Variants in CLSTN2 observed in about 807,000 individuals in gnomAD.
CLSTN2 encodes calsyntenin 2, also known as calsyntenin-2.
A neutral mutation model predicts 101.2 loss-of-function variants in CLSTN2; 48 were observed. That is an observed-to-expected ratio of 0.47 (90% CI 0.38 to 0.60). The LOEUF (loss-of-function observed/expected upper bound fraction) is 0.60, where lower values mean the gene tolerates loss of function less well. Ranked by LOEUF, CLSTN2 falls within the 20% of genes least tolerant of loss-of-function variation. CLSTN2 has a pLI of 0.00. For missense variants in CLSTN2, 1,160 were observed against 1,238.2 expected, an observed-to-expected ratio of 0.94 and a Z score of 0.95; for synonymous variants, 481 against 463.6, an observed-to-expected ratio of 1.04 and a Z score of -0.48.
At chr3:140,511,093 C>T (rs957819299) in intron 8 of CLSTN2, among the ~76,000 whole-genome samples, 1 of 152,182 alleles carries the variant, frequency 6.6e-6, no homozygotes, top group Non-Finnish European at 1.5e-5. Flanking sequence ...TCAGCTCCCA[C>T]TTATAAGTGA....
In CLSTN2 at chr3:140,445,983, G is replaced by T. The variant is rs17348041; in HGVS notation, c.788-2536G>T. Among the ~76,000 whole-genome samples the T allele has an allele frequency of 1.4e-3, 206 of 150,072 alleles. 1 individual carries two copies. The highest frequency in any genetic ancestry group is 2.6e-3 in the Non-Finnish European group (179 of 67,904). On this transcript the variant is annotated intron_variant, in intron 5 of 16. Transcript: ENST00000458420. ...CATCTACCTAGACTGGAGAAATCCC[G>T]GAAGGACACATGGAGGAGGTGGCAA...
At chr3:140,438,612 G>T (rs1385004516) in intron 5 of CLSTN2, among the ~76,000 whole-genome samples, 1 of 151,926 alleles carries the variant, frequency 6.6e-6, no homozygotes. Context: ...TGTAAGTAAA[G>T]ATTCTTAAAG....
At chr3:140,470,991 A>AGGCTCTGGCCTCTG (rs1231207360) in intron 8 of CLSTN2, among the ~76,000 whole-genome samples, 1 of 152,190 alleles carries the variant, frequency 6.6e-6, no homozygotes, top group African/African-American at 2.4e-5. Context: ...CCCGCACCGC[A>AGGCTCTGGCCTCTG]GCAGGCTCTG....
intron 2 of CLSTN2, among the ~76,000 whole-genome samples, chr3:140,260,376 G>A (rs1266637604): frequency 1.3e-5 from 2 of 151,756 alleles, no homozygotes; most frequent in Non-Finnish European, 2.9e-5. Flanking sequence ...TTATGAGGTT[G>A]AGGAATCTTT....
chr3:140,414,032 C>T (rs2088398468), intron 4 of CLSTN2, among the ~76,000 whole-genome samples: 1 of 151,978 alleles, frequency 6.6e-6, no homozygotes, highest in South Asian at 2.1e-4. Context: ...CAACATAGTA[C>T]TGAAAGTTCT....
chr3:140,100,630 C>A (rs553722321), intron 1 of CLSTN2, among the ~76,000 whole-genome samples: 22 of 152,226 alleles, frequency 1.4e-4, no homozygotes, highest in Non-Finnish European at 2.8e-4. Flanking sequence ...ACTGATTACC[C>A]AGCCTCCCAC....
At chr3:140,384,142 A>G (rs4683491) in intron 2 of CLSTN2, among the ~76,000 whole-genome samples, 55,895 of 152,062 alleles carry the variant, frequency 0.37, 10,543 homozygotes, top group African/African-American at 0.45. Flanking sequence ...AAAGAAAATG[A>G]AAGTTGTTGT....
chr3:140,496,008 A>G (rs1934457895), intron 8 of CLSTN2, among the ~76,000 whole-genome samples: 1 of 152,164 alleles, frequency 6.6e-6, no homozygotes, highest in South Asian at 2.1e-4. Flanking sequence ...AAGAATGTCA[A>G]TAGTAGTTTC....
intron 8 of CLSTN2, among the ~76,000 whole-genome samples, chr3:140,501,341 G>A (rs1214051347): frequency 3.3e-5 from 5 of 152,186 alleles, no homozygotes; most frequent in African/African-American, 9.7e-5. Flanking sequence ...CACCACACAA[G>A]GATAACTTCC....
intron 13 of CLSTN2, 43 bp from the exon 14 acceptor site, chr3:140,562,768 T>C (rs534086469): frequency 5.6e-6 from 9 of 1,606,010 alleles, no homozygotes; most frequent in South Asian, 3.3e-5. Context: ...CTCTTCCTCC[T>C]CCTTTTCTGC....
At chr3:140,439,580 C>T (rs2088736371) in intron 5 of CLSTN2, among the ~76,000 whole-genome samples, 1 of 152,202 alleles carries the variant, frequency 6.6e-6, no homozygotes, top group South Asian at 2.1e-4. Flanking sequence ...TTGAGAATGT[C>T]TAGGGACTAA....
At chr3:140,006,128 G>A (rs2006948472) in intron 1 of CLSTN2, among the ~76,000 whole-genome samples, 1 of 152,188 alleles carries the variant, frequency 6.6e-6, no homozygotes, top group Admixed American at 6.5e-5. Flanking sequence ...TTGAGGTTTT[G>A]TGGTTTCTCA....
At chr3:140,003,947 C>A (rs2006904310) in intron 1 of CLSTN2, among the ~76,000 whole-genome samples, 1 of 152,120 alleles carries the variant, frequency 6.6e-6, no homozygotes. Flanking sequence ...GATTATTGAT[C>A]AAATTTTCTC....
At chr3:140,271,562 G>T (rs1324540009) in intron 2 of CLSTN2, among the ~76,000 whole-genome samples, 3 of 152,114 alleles carry the variant, frequency 2.0e-5, no homozygotes. Context: ...ATTCTCATGT[G>T]GTGGAAGAAG....
intron 2 of CLSTN2, among the ~76,000 whole-genome samples, chr3:140,252,716 G>C (rs940792555): frequency 2.0e-5 from 3 of 152,200 alleles, no homozygotes; most frequent in African/African-American, 4.8e-5. Flanking sequence ...GGAAAAAGGA[G>C]CACAACCCTG....
intron 1 of CLSTN2, among the ~76,000 whole-genome samples, chr3:140,002,531 G>A (rs1443908853): frequency 6.6e-6 from 1 of 151,918 alleles, no homozygotes; most frequent in Non-Finnish European, 1.5e-5. Context: ...TTTGTTTATT[G>A]TTTCCTTTGC....
chr3:140,113,565 T>C (rs1479007877), intron 1 of CLSTN2, among the ~76,000 whole-genome samples: 1 of 152,226 alleles, frequency 6.6e-6, no homozygotes, highest in African/African-American at 2.4e-5. Flanking sequence ...CAACACCATT[T>C]ACAACAGTGA....
intron 1 of CLSTN2, among the ~76,000 whole-genome samples, chr3:140,172,791 G>A (rs1370236769): frequency 6.6e-6 from 1 of 152,112 alleles, no homozygotes; most frequent in Non-Finnish European, 1.5e-5. Flanking sequence ...AAAAACCCCT[G>A]ATAAAACCAT....
chr3:140,135,647 T>C (rs2009605486), intron 1 of CLSTN2, among the ~76,000 whole-genome samples: 1 of 152,178 alleles, frequency 6.6e-6, no homozygotes, highest in Non-Finnish European at 1.5e-5. Flanking sequence ...AGAGGATCTA[T>C]AGTGGAGCAC....
Sources: allele counts gnomAD v4.1 joint callset (sites outside exome capture counted in the v4.1 genomes callset), GRCh38; gene constraint gnomAD v4.1.1; transcripts MANE v1.5; gene names NCBI Gene and HGNC (gene_info 2026-07-23, HGNC 2026-07-21).